The following VPS13D variants were observed in gnomAD, a reference collection of about 807,000 sequenced individuals.
VPS13D encodes the protein intermembrane lipid transfer protein VPS13D.
In VPS13D, 187 loss-of-function variants were observed where a neutral mutation model predicts 461.9. That is an observed-to-expected ratio of 0.40 (90% CI 0.36 to 0.46). The LOEUF is 0.46. VPS13D is among the 20% of genes least tolerant of loss of function. The pLI, the probability that VPS13D is intolerant of heterozygous loss-of-function variation, is 0.60. For missense variants in VPS13D, 4,711 were observed against 5,364.9 expected, an observed-to-expected ratio of 0.88 and a Z score of 3.81; for synonymous variants, 1,951 against 1,986.3, an observed-to-expected ratio of 0.98 and a Z score of 0.47.
At chr1:12,264,055 C>A (rs1195112906) in intron 13 of VPS13D, among the ~76,000 whole-genome samples, 3 of 152,088 alleles carry the variant, frequency 2.0e-5, no homozygotes, top group Admixed American at 2.0e-4. Flanking sequence ...CATTATTATT[C>A]TGTCTCTTAT....
intron 46 of VPS13D, among the ~76,000 whole-genome samples, chr1:12,352,887 C>T (rs943410870): frequency 2.5e-4 from 35 of 141,284 alleles, no homozygotes; most frequent in African/African-American, 9.1e-4. Flanking sequence ...ATGGCTTGAA[C>T]CCAGGAGGCA....
chr1:12,459,482 CTT>C (rs869264869), intron 66 of VPS13D, among the ~76,000 whole-genome samples: 18 of 131,324 alleles, frequency 1.4e-4, no homozygotes, highest in South Asian at 2.5e-4. Flanking sequence ...CTTTTCTTTT[CTT>C]TTTTTTTTTT....
intron 13 of VPS13D, among the ~76,000 whole-genome samples, chr1:12,265,174 C>T (rs1450132891): frequency 6.6e-6 from 1 of 152,198 alleles, no homozygotes; most frequent in Non-Finnish European, 1.5e-5. Flanking sequence ...TGCATCCAGT[C>T]ACTCAAGAGC....
At chr1:12,393,885 G>C (rs997995272) in intron 60 of VPS13D, among the ~76,000 whole-genome samples, 1 of 152,174 alleles carries the variant, frequency 6.6e-6, no homozygotes, top group East Asian at 1.9e-4. Flanking sequence ...TGGACCCACT[G>C]TAAGTCAGAC....
chr1:12,249,715 C>T (rs1228398667), intron 6 of VPS13D: 1 of 157,704 alleles, frequency 6.3e-6, no homozygotes. Context: ...ATTCTCCACC[C>T]TTTGACCTTC....
At chr1:12,391,234 C>T (rs1050332098) in intron 60 of VPS13D, among the ~76,000 whole-genome samples, 4 of 152,196 alleles carry the variant, frequency 2.6e-5, no homozygotes, top group South Asian at 2.1e-4. Flanking sequence ...TGCTGTCCTT[C>T]GGGGATGTCC....
At chr1:12,265,246 T>C (rs1018269167) in intron 13 of VPS13D, among the ~76,000 whole-genome samples, 6 of 152,176 alleles carry the variant, frequency 3.9e-5, no homozygotes, top group African/African-American at 1.4e-4. Flanking sequence ...CAACATCCAT[T>C]CTGCAGCCCA....
intron 58 of VPS13D, among the ~76,000 whole-genome samples, chr1:12,384,364 A>G (rs1644322470): frequency 6.6e-6 from 1 of 152,170 alleles, no homozygotes; most frequent in Admixed American, 6.5e-5. Flanking sequence ...TCACTAAGGG[A>G]TGAACATGGA....
At chr1:12,411,661 C>T (rs1644731968) in intron 63 of VPS13D, among the ~76,000 whole-genome samples, 2 of 152,198 alleles carry the variant, frequency 1.3e-5, no homozygotes, top group Admixed American at 1.3e-4. Flanking sequence ...TATTTGTTTA[C>T]AATTCTGTGG....
At chr1:12,450,754 C>A (rs1021179508) in intron 65 of VPS13D, among the ~76,000 whole-genome samples, 1 of 152,172 alleles carries the variant, frequency 6.6e-6, no homozygotes. Context: ...TTACTTAAAG[C>A]CTTTTCAACT....
At chr1:12,326,667 G>A (rs889341122) in intron 35 of VPS13D, among the ~76,000 whole-genome samples, 1 of 150,392 alleles carries the variant, frequency 6.6e-6, no homozygotes, top group Non-Finnish European at 1.5e-5. Flanking sequence ...TTTTGAGGCA[G>A]AGTTTTGCTC....
intron 5 of VPS13D, among the ~76,000 whole-genome samples, chr1:12,245,503 TACA>T (rs1640520347): frequency 3.3e-5 from 5 of 152,224 alleles, no homozygotes; most frequent in African/African-American, 1.2e-4. Context: ...TTAGTATATT[TACA>T]AGGTTGTGCG....
chr1:12,238,026 G>T (rs1433764122), intron 2 of VPS13D, among the ~76,000 whole-genome samples: 1 of 151,576 alleles, frequency 6.6e-6, no homozygotes. Flanking sequence ...GTGGTGGCGT[G>T]TGCCTGTAGT....
At chr1:12,449,976 T>C (rs1342443543) in intron 65 of VPS13D, among the ~76,000 whole-genome samples, 1 of 151,952 alleles carries the variant, frequency 6.6e-6, no homozygotes, top group Non-Finnish European at 1.5e-5. Context: ...AATACAAAAA[T>C]TAGCCAGGCG....
At chr1:12,285,985 TTCCTTTCCTCTCCTC>T (rs1416764039) in intron 21 of VPS13D, among the ~76,000 whole-genome samples, 8 of 58,790 alleles carry the variant, frequency 1.4e-4, no homozygotes, top group African/African-American at 3.9e-4. Context: ...TTCCTTTCCT[TTCCTTTCCTCTCCTC>T]TCCTCTCCTC....
intron 64 of VPS13D, among the ~76,000 whole-genome samples, chr1:12,415,912 C>T (rs1644787920): frequency 6.6e-6 from 1 of 152,098 alleles, no homozygotes; most frequent in Non-Finnish European, 1.5e-5. Flanking sequence ...GTCATGGTGG[C>T]TCACACCTGT....
At chr1:12,269,287 G>T (rs1021122020) in intron 16 of VPS13D, among the ~76,000 whole-genome samples, 1 of 152,094 alleles carries the variant, frequency 6.6e-6, no homozygotes, top group Admixed American at 6.6e-5. Flanking sequence ...AAATAGTATG[G>T]GGTGGGGGAG....
chr1:12,258,861 G>T (rs2101275668), intron 10 of VPS13D, among the ~76,000 whole-genome samples: 1 of 152,320 alleles, frequency 6.6e-6, no homozygotes, highest in South Asian at 2.1e-4. Flanking sequence ...TGTGTGGTCA[G>T]TGAGGGCAAT....
rs770691353 is a variant in VPS13D, at chr1:12,311,838, C to T, written c.6848C>T (p.Thr2283Ile). 27 of 1,614,000 alleles carry T rather than the reference C, an allele frequency of 1.7e-5. No homozygotes were observed. The highest frequency in any genetic ancestry group is 2.2e-5 in the Non-Finnish European group (26 of 1,180,010). ...IHTVLSGEVY[T>I]CMCFLIDMVN... The stretch of plus-strand genomic sequence containing the variant: ...ACTGTCCTGAGTGGAGAAGTGTACA[C>T]CTGTATGTGCTTCCTCATTGATATG... Residue 2283 changes from threonine to isoleucine, a missense_variant, in exon 29 of 70, where the codon ACC becomes ATC. Transcript: ENST00000620676.
Sources: allele counts gnomAD v4.1 joint callset (sites outside exome capture counted in the v4.1 genomes callset), GRCh38; gene constraint gnomAD v4.1.1; transcripts MANE v1.5; gene names NCBI Gene and HGNC (gene_info 2026-07-23, HGNC 2026-07-21).